The following RECK variants were observed in gnomAD, a reference collection of about 807,000 sequenced individuals.
RECK encodes the protein reversion-inducing cysteine-rich protein with Kazal motifs.
RECK carries 69 observed loss-of-function variants against 115.1 expected under a neutral mutation model. The ratio of observed to expected loss-of-function variants is 0.60; its 90% CI spans 0.49 to 0.73. RECK has a LOEUF of 0.73. Ranked by LOEUF, RECK falls within the 30% of genes least tolerant of loss-of-function variation. RECK has a pLI of 0.00. For missense variants in RECK, 1,047 were observed against 1,203.7 expected, an observed-to-expected ratio of 0.87 and a Z score of 1.93; for synonymous variants, 414 against 419.7, an observed-to-expected ratio of 0.99 and a Z score of 0.17.
intron 6 of RECK, among the ~76,000 whole-genome samples, chr9:36,078,888 ATTTG>A (rs1465353219): frequency 6.6e-6 from 1 of 150,800 alleles, no homozygotes; most frequent in Non-Finnish European, 1.5e-5. Context: ...TTGTTTGTTT[ATTTG>A]TTTATTTATT....
At chr9:36,050,301 G>A (rs1484495564) in intron 1 of RECK, among the ~76,000 whole-genome samples, 1 of 152,016 alleles carries the variant, frequency 6.6e-6, no homozygotes, top group Non-Finnish European at 1.5e-5. Flanking sequence ...TCAGTTAATG[G>A]TATTTCTAGA....
At chr9:36,096,365 C>T (rs7857904) in intron 10 of RECK, among the ~76,000 whole-genome samples, 3,816 of 151,778 alleles carry the variant, frequency 0.025, 172 homozygotes, top group African/African-American at 0.086. Context: ...GGTGAAACCT[C>T]GTCTCTACTA....
At position 36,082,152 on chromosome 9, in the gene RECK, T is replaced by TTCTCTCTCTCTCTCTCTCTCTCTCTC. The variant is rs71508008; in HGVS notation, c.440-1202_440-1177dup. ...AATTATCAAGAATTTCCTCCCTGCT[T>TTCTCTCTCTCTCTCTCTCTCTCTCTC]TCTCTCTCTCTCTCTCTCTCTCTCT... is the stretch of plus-strand genomic sequence containing the variant. On this transcript the variant is annotated intron_variant, in intron 7 of 20. Transcript: ENST00000377966. Among the ~76,000 whole-genome samples the TTCTCTCTCTCTCTCTCTCTCTCTCTC allele has an allele frequency of 2.2e-4, 25 of 113,708 alleles. No individual in the cohort carries two copies. In the East Asian group the frequency reaches 3.7e-3, roughly 17 times the overall value. 74.6% of individuals were successfully genotyped at this position (113,708 alleles called of 152,430 possible). A position where few individuals can be genotyped will look rare whatever the true frequency, so the allele number is the denominator to read the frequency against.
Position 36,064,918 on chromosome 9 carries a change from A to AT in RECK, c.358-651dup, listed in dbSNP as rs201871377. 6.1e-3 allele frequency among the ~76,000 whole-genome samples: 921 copies of AT among 151,932 alleles called. 25 individuals carry two copies. Among genetic ancestry groups the AT allele is most frequent in the Admixed American group, 0.04 (607 of 15,222 alleles). ...TGGAAAAACAGCCACCCCTCAGCAG[A>AT]TTTTTTTTGGCTTCTTTTATATAGA... On this transcript the variant is annotated intron_variant, in intron 5 of 20. Transcript: ENST00000377966.
chr9:36,121,798 G>A, intron 20 of RECK, 110 bp downstream of exon 20: 1 of 1,168,900 alleles, frequency 8.6e-7, no homozygotes, highest in Non-Finnish European at 1.2e-6. Context: ...TGAGGGAGTG[G>A]AGGCATTTGG....
At chr9:36,059,629 A>G (rs112930244) in intron 3 of RECK, among the ~76,000 whole-genome samples, 1 of 152,184 alleles carries the variant, frequency 6.6e-6, no homozygotes, top group African/African-American at 2.4e-5. Flanking sequence ...TACTGTAGAT[A>G]TATTGCTTAC....
intron 5 of RECK, 76 bp from the exon 6 acceptor site, chr9:36,065,501 T>C: frequency 4.4e-6 from 5 of 1,123,892 alleles, no homozygotes; most frequent in Non-Finnish European, 5.0e-6. Context: ...AATTAACAAA[T>C]GCTAATTTAT....
intron 16 of RECK, among the ~76,000 whole-genome samples, chr9:36,116,701 C>A (rs908333963): frequency 6.6e-6 from 1 of 152,176 alleles, no homozygotes; most frequent in African/African-American, 2.4e-5. Flanking sequence ...CCCCCTTTGC[C>A]CCCCCAGCCT....
Position 36,048,126 on chromosome 9 carries a change from A to AATATATATATATATAT in RECK, c.101-4120_101-4105dup, listed in dbSNP as rs56726335. Among the ~76,000 whole-genome samples the AATATATATATATATAT allele has an allele frequency of 2.8e-3, 321 of 115,244 alleles. 8 individuals are homozygous for AATATATATATATATAT. The highest frequency in any genetic ancestry group is 8.7e-3 in the East Asian group (28 of 3,214). 75.6% of individuals were successfully genotyped at this position (115,244 alleles called of 152,430 possible). ...TACACACGCACAGACACACAGGTTG[A>AATATATATATATATAT]ATATATATATATATATATATATATA... On this transcript the variant is annotated intron_variant, in intron 1 of 20. Transcript: ENST00000377966.
At chr9:36,084,639 G>A (rs1336455237) in intron 8 of RECK, among the ~76,000 whole-genome samples, 1 of 151,824 alleles carries the variant, frequency 6.6e-6, no homozygotes, top group African/African-American at 2.4e-5. Flanking sequence ...AGGTTGCATT[G>A]AGCCGAGATT....
chr9:36,108,557 TG>T (rs1472827210), intron 14 of RECK, among the ~76,000 whole-genome samples: 1 of 152,180 alleles, frequency 6.6e-6, no homozygotes, highest in African/African-American at 2.4e-5. Context: ...AGCTGGATTC[TG>T]CTCCAGGTCT....
At chr9:36,083,681 T>G in intron 8 of RECK, 119 bp downstream of exon 8, 1 of 1,100,316 alleles carries the variant, frequency 9.1e-7, no homozygotes, top group Non-Finnish European at 1.3e-6. Flanking sequence ...TCAGACTTCC[T>G]TTGGTATTTA....
chr9:36,121,650 C>T lies in RECK; in HGVS notation c.2656C>T (p.Leu886=), dbSNP rs145922032. Residue 886 remains leucine, a synonymous_variant, in exon 20 of 21, where the codon CTG becomes TTG. Coordinates refer to ENST00000377966, the MANE Select transcript of RECK (RefSeq NM_021111.3). ...YFSIESEIVI[L]IIPVDHYPKA... The stretch of plus-strand genomic sequence containing the variant: ...CAGCATTGAATCAGAAATTGTGATC[C>T]TGATCATTCCCGTCGATCACTATCC... 122 of 1,614,140 alleles carry T rather than the reference C, an allele frequency of 7.6e-5. 1 individual carries two copies. The African/African-American group carries it at 1.5e-3, about 20-fold the overall frequency.
At chr9:36,053,106 A>G (rs1306940041) in intron 2 of RECK, among the ~76,000 whole-genome samples, 1 of 152,238 alleles carries the variant, frequency 6.6e-6, no homozygotes, top group Non-Finnish European at 1.5e-5. Flanking sequence ...ACAGAGAATT[A>G]AAGCAAATGT....
intron 8 of RECK, among the ~76,000 whole-genome samples, chr9:36,086,565 A>C (rs1329954543): frequency 6.6e-6 from 1 of 152,216 alleles, no homozygotes; most frequent in East Asian, 1.9e-4. Flanking sequence ...ATGGAAAGGG[A>C]CTGGAGCAGG....
intron 6 of RECK, among the ~76,000 whole-genome samples, chr9:36,074,964 G>T (rs556653729): frequency 3.3e-5 from 5 of 152,236 alleles, no homozygotes; most frequent in African/African-American, 4.8e-5. Flanking sequence ...TCAGATGGCA[G>T]GTCAGCCTGG....
chr9:36,117,181 C>G lies in RECK; in HGVS notation c.2253+4C>G, dbSNP rs1311889211. 1 of 1,600,576 alleles carries G rather than the reference C, an allele frequency of 6.2e-7. No individual in the cohort carries two copies. The highest frequency in any genetic ancestry group is 8.5e-7 in the Non-Finnish European group (1 of 1,172,552). ...CTCTTACAAAGGTCCCTGCCAGGTA[C>G]AGTGCTTTGGCTGACAAAACAAAGT... is the stretch of plus-strand genomic sequence containing the variant. On this transcript the variant is annotated splice_donor_region_variant and intron_variant, in intron 17 of 20. Coordinates refer to ENST00000377966, the MANE Select transcript of RECK (RefSeq NM_021111.3).
intron 10 of RECK, among the ~76,000 whole-genome samples, chr9:36,096,048 A>G (rs1489486396): frequency 1.3e-5 from 2 of 149,394 alleles, no homozygotes; most frequent in Non-Finnish European, 3.0e-5. Flanking sequence ...AGCCTGGGCA[A>G]CAAGAATGAA....
At chr9:36,070,817 A>T (rs1432883319) in intron 6 of RECK, among the ~76,000 whole-genome samples, 1 of 152,118 alleles carries the variant, frequency 6.6e-6, no homozygotes, top group East Asian at 1.9e-4. Context: ...ACTTGTTTTG[A>T]TTGTGGGGTC....
Sources: allele counts gnomAD v4.1 joint callset (sites outside exome capture counted in the v4.1 genomes callset), GRCh38; gene constraint gnomAD v4.1.1; transcripts MANE v1.5; gene names NCBI Gene and HGNC (gene_info 2026-07-23, HGNC 2026-07-21).